SNTG1: variants seen among roughly 807,000 people sequenced by gnomAD.
SNTG1 encodes gamma-1-syntrophin.
SNTG1 carries 39 observed loss-of-function variants against 74.7 expected under a neutral mutation model. The observed-to-expected ratio is 0.52, with a 90% CI of 0.40 to 0.68. The LOEUF is 0.68. Ranked by LOEUF, SNTG1 falls within the 30% of genes least tolerant of loss-of-function variation. The pLI is 0.00. For synonymous variants in SNTG1, 254 were observed against 217.1 expected (o/e 1.17, Z -1.49); for missense variants, 685 against 609.5 (o/e 1.12, Z -1.30).
At chr8:50,620,037 CAT>C (rs1190867609) in intron 13 of SNTG1, among the ~76,000 whole-genome samples, 5 of 152,140 alleles carry the variant, frequency 3.3e-5, no homozygotes, top group African/African-American at 1.2e-4. Flanking sequence ...TGAAGATGCA[CAT>C]GAGTCTCATT....
At chr8:50,012,171 A>G (rs1342606491) in intron 1 of SNTG1, among the ~76,000 whole-genome samples, 1 of 152,204 alleles carries the variant, frequency 6.6e-6, no homozygotes, top group Non-Finnish European at 1.5e-5. Context: ...ATTTAAAAAA[A>G]ATGAGCACTT....
chr8:50,577,324 C>G (rs1217480624), intron 12 of SNTG1, among the ~76,000 whole-genome samples: 1 of 152,084 alleles, frequency 6.6e-6, no homozygotes, highest in African/African-American at 2.4e-5. Context: ...GAATAAAACC[C>G]ACTTGATAAT....
At chr8:50,288,181 T>C (rs192581610) in intron 2 of SNTG1, among the ~76,000 whole-genome samples, 189 of 152,270 alleles carry the variant, frequency 1.2e-3, no homozygotes, top group African/African-American at 4.4e-3. Flanking sequence ...TTATTAGTTC[T>C]GAATAAGCAC....
intron 9 of SNTG1, among the ~76,000 whole-genome samples, chr8:50,513,694 G>A (rs985999053): frequency 2.0e-5 from 3 of 152,202 alleles, no homozygotes; most frequent in Non-Finnish European, 2.9e-5. Flanking sequence ...GAGGCTCCGT[G>A]GGCATAAGAC....
chr8:50,058,135 T>G (rs1238822908), intron 1 of SNTG1, among the ~76,000 whole-genome samples: 1 of 152,004 alleles, frequency 6.6e-6, no homozygotes, highest in Non-Finnish European at 1.5e-5. Context: ...TTTTTAAAAT[T>G]TGCACACTAT....
chr8:50,669,215 TA>T (rs35554969), intron 15 of SNTG1, among the ~76,000 whole-genome samples: 31,134 of 148,058 alleles, frequency 0.21, 3,288 homozygotes, highest in South Asian at 0.31. Flanking sequence ...AATAGAGATT[TA>T]AAAAAAAAAC....
At chr8:50,296,310 A>AC (rs1295799181) in intron 2 of SNTG1, among the ~76,000 whole-genome samples, 2 of 152,208 alleles carry the variant, frequency 1.3e-5, no homozygotes, top group Non-Finnish European at 2.9e-5. Context: ...AGACACATGC[A>AC]CATATACTTT....
chr8:50,102,080 G>T (rs1268484443), intron 1 of SNTG1, among the ~76,000 whole-genome samples: 3 of 151,914 alleles, frequency 2.0e-5, no homozygotes, highest in Non-Finnish European at 4.4e-5. Flanking sequence ...AACCAGTAAT[G>T]GAATGGCTGG....
At chr8:50,176,899 G>T (rs2083019316) in intron 2 of SNTG1, among the ~76,000 whole-genome samples, 1 of 152,122 alleles carries the variant, frequency 6.6e-6, no homozygotes, top group Non-Finnish European at 1.5e-5. Context: ...TCTTGGTATT[G>T]CTTTCCCTCA....
At chr8:50,535,039 C>T (rs533588483) in intron 10 of SNTG1, among the ~76,000 whole-genome samples, 1 of 152,110 alleles carries the variant, frequency 6.6e-6, no homozygotes, top group South Asian at 2.1e-4. Flanking sequence ...TTACAGCTAC[C>T]AAGCCAGGCA....
At chr8:50,086,985 T>A (rs906358599) in intron 1 of SNTG1, among the ~76,000 whole-genome samples, 3 of 152,198 alleles carry the variant, frequency 2.0e-5, no homozygotes, top group Non-Finnish European at 2.9e-5. Context: ...GTATTCACAC[T>A]TCTAAGGCAA....
At chr8:50,229,426 TA>T in intron 2 of SNTG1, among the ~76,000 whole-genome samples, 1 of 150,966 alleles carries the variant, frequency 6.6e-6, no homozygotes, top group East Asian at 1.9e-4. Flanking sequence ...TAACACAAAT[TA>T]AAAAAATAAA....
intron 2 of SNTG1, among the ~76,000 whole-genome samples, chr8:50,299,583 AAAAAGT>A (rs1219575795): frequency 6.6e-6 from 1 of 152,162 alleles, no homozygotes; most frequent in Non-Finnish European, 1.5e-5. Context: ...AATCACATTA[AAAAAGT>A]AAAAGAAATT....
At chr8:50,131,575 A>G (rs962131216) in intron 1 of SNTG1, among the ~76,000 whole-genome samples, 2 of 152,006 alleles carry the variant, frequency 1.3e-5, no homozygotes, top group East Asian at 1.9e-4. Flanking sequence ...TTCTTTGTCT[A>G]TTTATTTGTT....
rs552688639 is a variant in SNTG1, at chr8:50,074,611, A to G, written c.-102-97950A>G. 2.0e-3 allele frequency among the ~76,000 whole-genome samples: 301 copies of G among 152,368 alleles called. 1 individual carries two copies. Among genetic ancestry groups the G allele is most frequent in the African/African-American group, 6.9e-3 (286 of 41,596 alleles). On this transcript the variant is annotated intron_variant, in intron 1 of 18. Coordinates refer to ENST00000642720, the MANE Select transcript of SNTG1 (RefSeq NM_018967.5). ...ACCCCAAAATAATTATTATAGTAAC[A>G]TTAAAGATAACTGGTAACAGATCAC... is the stretch of plus-strand genomic sequence containing the variant.
In SNTG1 at chr8:50,678,134, T is replaced by G. The variant is rs58361657; in HGVS notation, c.1038+19471T>G. Among the ~76,000 whole-genome samples the G allele has an allele frequency of 1.9e-3, 291 of 151,908 alleles. 1 individual carries two copies. The highest frequency in any genetic ancestry group is 6.9e-3 in the African/African-American group (285 of 41,442). Reference sequence around the variant, plus strand: ...GAAAAAAAGAAAGAAAAGAAAAGAATAATAATAATAGTGTTCTTGCTATTT... The same window carrying G: ...GAAAAAAAGAAAGAAAAGAAAAGAAGAATAATAATAGTGTTCTTGCTATTT... On this transcript the variant is annotated intron_variant, in intron 15 of 18. Transcript: ENST00000642720.
chr8:50,158,647 T>C (rs1385167817), intron 1 of SNTG1, among the ~76,000 whole-genome samples: 1 of 152,188 alleles, frequency 6.6e-6, no homozygotes. Flanking sequence ...CTGGAGTTCA[T>C]TGTTTTTTTC....
At chr8:50,350,946 G>T (rs1305047697) in intron 2 of SNTG1, among the ~76,000 whole-genome samples, 4 of 152,318 alleles carry the variant, frequency 2.6e-5, no homozygotes, top group South Asian at 2.1e-4. Flanking sequence ...CCCCTTGGAG[G>T]CTGTGGAAGC....
chr8:50,170,080 G>GT, intron 1 of SNTG1, among the ~76,000 whole-genome samples: 1 of 152,300 alleles, frequency 6.6e-6, no homozygotes, highest in Non-Finnish European at 1.5e-5. Context: ...ACCTGGGGCT[G>GT]TGAGAGTGGT....
Sources: allele counts gnomAD v4.1 joint callset (sites outside exome capture counted in the v4.1 genomes callset), GRCh38; gene constraint gnomAD v4.1.1; transcripts MANE v1.5; gene names NCBI Gene and HGNC (gene_info 2026-07-23, HGNC 2026-07-21).